DCDC1: variants seen among roughly 807,000 people sequenced by gnomAD.
DCDC1 encodes doublecortin domain containing 1.
DCDC1 carries 200 observed loss-of-function variants against 178.3 expected under a neutral mutation model. The ratio of observed to expected loss-of-function variants is 1.12; its 90% CI spans 1.00 to 1.26. The LOEUF (loss-of-function observed/expected upper bound fraction) is 1.26. DCDC1 is among the 50% of genes most tolerant of loss of function. The pLI is 0.00. For missense variants in DCDC1, 1,983 were observed against 1,749.2 expected (o/e 1.13, Z -2.38); for synonymous variants, 690 against 604.8 (o/e 1.14, Z -2.07).
intron 1 of DCDC1, among the ~76,000 whole-genome samples, chr11:31,366,619 G>C (rs907841335): frequency 1.3e-5 from 2 of 152,142 alleles, no homozygotes; most frequent in Non-Finnish European, 2.9e-5. Flanking sequence ...AGAAGCATTT[G>C]AACACAATTA....
At chr11:31,350,994 G>T (rs936624396) in intron 1 of DCDC1, among the ~76,000 whole-genome samples, 3 of 151,794 alleles carry the variant, frequency 2.0e-5, no homozygotes, top group Admixed American at 6.6e-5. Context: ...TATATTTTCA[G>T]AAATTTATTA....
intron 36 of DCDC1, 112 bp downstream of exon 36, chr11:30,892,706 G>T: frequency 1.6e-6 from 2 of 1,228,076 alleles, no homozygotes; most frequent in East Asian, 2.4e-5. Context: ...ACTATTTTGT[G>T]GACAAGAAAA....
chr11:30,915,371 G>T, intron 27 of DCDC1, 140 bp downstream of exon 27: 1 of 836,124 alleles, frequency 1.2e-6, no homozygotes, highest in Non-Finnish European at 1.8e-6. Context: ...TCTTTGGCTA[G>T]GATAAAGAAT....
At chr11:31,319,339 C>T (rs1949241956) in intron 3 of DCDC1, among the ~76,000 whole-genome samples, 1 of 55,706 alleles carries the variant, frequency 1.8e-5, no homozygotes, top group African/African-American at 1.9e-4. Context: ...AATCTGGGTG[C>T]TCCTGTATTG....
chr11:30,881,032 GGA>G, intron 37 of DCDC1, 124 bp downstream of exon 37: 1 of 1,061,172 alleles, frequency 9.4e-7, no homozygotes, highest in Non-Finnish European at 1.3e-6. Flanking sequence ...TCCATAACAT[GGA>G]GTAGAAATGC....
At chr11:31,084,920 C>G (rs1957380889) in intron 17 of DCDC1, among the ~76,000 whole-genome samples, 1 of 147,558 alleles carries the variant, frequency 6.8e-6, no homozygotes, top group Non-Finnish European at 1.5e-5. Context: ...GGCTTAGCCT[C>G]AATGGGCTAA....
intron 1 of DCDC1, among the ~76,000 whole-genome samples, chr11:31,340,924 A>C (rs1461233083): frequency 6.6e-6 from 1 of 152,178 alleles, no homozygotes; most frequent in Non-Finnish European, 1.5e-5. Context: ...ACAAGGCGGA[A>C]GAGAAATTGG....
At position 31,183,947 on chromosome 11, in the gene DCDC1, A is replaced by G. The variant is rs150925356; in HGVS notation, c.1222-46163T>C. On this transcript the variant is annotated intron_variant, in intron 9 of 38. Coordinates refer to ENST00000684477, the MANE Select transcript of DCDC1 (RefSeq NM_001387274.1). ...ATTAGAAAAACCTACTTTAAAGTTC[A>G]TATGGAACCAAAAAAGAGACCATAT... 5.8e-3 allele frequency among the ~76,000 whole-genome samples: 887 copies of G among 152,322 alleles called. 10 individuals are homozygous for G. The highest frequency in any genetic ancestry group is 0.02 in the African/African-American group (845 of 41,576).
At chr11:31,050,811 T>C (rs1955195988) in intron 20 of DCDC1, among the ~76,000 whole-genome samples, 1 of 152,050 alleles carries the variant, frequency 6.6e-6, no homozygotes, top group Non-Finnish European at 1.5e-5. Flanking sequence ...GGGGAGAGTC[T>C]ACATCAAAGA....
intron 2 of DCDC1, among the ~76,000 whole-genome samples, 194 bp downstream of exon 2, chr11:31,335,253 T>C (rs1950211187): frequency 6.6e-6 from 1 of 152,172 alleles, no homozygotes. Flanking sequence ...CTAAGACCAT[T>C]GGAAAAGCGC....
At chr11:31,278,461 A>T (rs1233597301) in intron 7 of DCDC1, among the ~76,000 whole-genome samples, 1 of 152,168 alleles carries the variant, frequency 6.6e-6, no homozygotes, top group African/African-American at 2.4e-5. Flanking sequence ...AAACAAAAAA[A>T]GTCAAACTCA....
intron 8 of DCDC1, among the ~76,000 whole-genome samples, chr11:31,248,788 A>G (rs1943758407): frequency 6.6e-6 from 1 of 152,078 alleles, no homozygotes; most frequent in Non-Finnish European, 1.5e-5. Flanking sequence ...ATCTTCTATA[A>G]TTAGTGTTTT....
At position 31,147,896 on chromosome 11, in the gene DCDC1, T is replaced by C. The variant is rs569324799; in HGVS notation, c.1222-10112A>G. On this transcript the variant is annotated intron_variant, in intron 9 of 38. Transcript: ENST00000684477. ...TTACAGTGCTGCTAATGGTACAGAT[T>C]TTCTCTAATTCTTTATGCCTCTAAG... 1.2e-4 allele frequency among the ~76,000 whole-genome samples: 18 copies of C among 152,256 alleles called. No individual in the cohort carries two copies. In the South Asian group the frequency reaches 3.7e-3, roughly 32 times the overall value.
chr11:31,017,534 TTTTA>T (rs1346274718), intron 20 of DCDC1, among the ~76,000 whole-genome samples: 1 of 151,916 alleles, frequency 6.6e-6, no homozygotes, highest in Non-Finnish European at 1.5e-5. Context: ...ACTACAGTTA[TTTTA>T]TTTATCAATG....
At position 31,060,940 on chromosome 11, in the gene DCDC1, A is replaced by C. The variant is rs545408915; in HGVS notation, c.2591+3529T>G. 9.9e-5 allele frequency among the ~76,000 whole-genome samples: 15 copies of C among 152,216 alleles called. No individual in the cohort carries two copies. In the South Asian group the frequency reaches 2.3e-3, roughly 23 times the overall value. On this transcript the variant is annotated intron_variant, in intron 20 of 38. Transcript: ENST00000684477. ...GCTTTTAAATCTATGTTTTCTTTTA[A>C]AAGAATGAAGTCCATGCCAAGTTGA...
chr11:31,269,195 T>A (rs1243361532), intron 7 of DCDC1, among the ~76,000 whole-genome samples: 1 of 152,162 alleles, frequency 6.6e-6, no homozygotes, highest in African/African-American at 2.4e-5. Context: ...AGTAGCACTA[T>A]AAGTTTCTGT....
At chr11:31,078,991 A>G (rs1219207777) in intron 17 of DCDC1, among the ~76,000 whole-genome samples, 2 of 152,192 alleles carry the variant, frequency 1.3e-5, no homozygotes, top group Non-Finnish European at 2.9e-5. Flanking sequence ...AGTAAGAAAC[A>G]TGTTGTCTCT....
chr11:30,997,520 A>G (rs1951336143), intron 20 of DCDC1, among the ~76,000 whole-genome samples: 1 of 152,216 alleles, frequency 6.6e-6, no homozygotes, highest in African/African-American at 2.4e-5. Flanking sequence ...ATACCTAGAT[A>G]AAAAGACAAA....
chr11:30,969,435 T>C (rs1949656176), intron 20 of DCDC1, among the ~76,000 whole-genome samples: 1 of 152,196 alleles, frequency 6.6e-6, no homozygotes, highest in Non-Finnish European at 1.5e-5. Context: ...TTGTTCCCTA[T>C]AACCTCCAGA....
Sources: gnomAD v4.1 joint callset for allele counts (sites outside exome capture counted in the v4.1 genomes callset) on GRCh38, gnomAD v4.1.1 for gene constraint, MANE v1.5 for transcripts, NCBI Gene and HGNC (gene_info 2026-07-23, HGNC 2026-07-21) for gene names.